Variants in TRAPPC9 observed in about 807,000 individuals in gnomAD.
TRAPPC9 encodes IKK2 binding protein.
A neutral mutation model predicts 124.0 loss-of-function variants in TRAPPC9; 83 were observed. The ratio of observed to expected loss-of-function variants is 0.67; its 90% CI spans 0.56 to 0.80. The LOEUF (loss-of-function observed/expected upper bound fraction) is 0.80. Among genes scored for constraint, TRAPPC9 ranks in the 30% least tolerant of loss-of-function variants. The pLI, the probability that TRAPPC9 is intolerant of heterozygous loss-of-function variation, is 0.00. For synonymous variants in TRAPPC9, 638 were observed against 617.5 expected, an observed-to-expected ratio of 1.03 and a Z score of -0.49; for missense variants, 1,302 against 1,508.3, an observed-to-expected ratio of 0.86 and a Z score of 2.27.
At chr8:140,134,443 T>C (rs2061263711) in intron 17 of TRAPPC9, among the ~76,000 whole-genome samples, 1 of 152,128 alleles carries the variant, frequency 6.6e-6, no homozygotes, top group South Asian at 2.1e-4. Context: ...TTTTTGTGTT[T>C]TTAGTAGAGA....
intron 16 of TRAPPC9, among the ~76,000 whole-genome samples, chr8:140,249,987 T>C (rs1370780552): frequency 6.6e-6 from 1 of 152,204 alleles, no homozygotes; most frequent in African/African-American, 2.4e-5. Context: ...TTCATTATCA[T>C]ACTCGATATA....
chr8:139,733,413 C>T (rs560019821), intron 21 of TRAPPC9, among the ~76,000 whole-genome samples: 12 of 152,048 alleles, frequency 7.9e-5, no homozygotes, highest in African/African-American at 2.4e-4. Context: ...AGTTTGTGGT[C>T]GTTCGCTGTG....
intron 9 of TRAPPC9, among the ~76,000 whole-genome samples, chr8:140,321,309 C>A (rs1316013224): frequency 6.6e-6 from 1 of 152,194 alleles, no homozygotes; most frequent in Non-Finnish European, 1.5e-5. Context: ...ACAGTGAACC[C>A]GGAGCTCAGC....
At chr8:139,856,057 T>C (rs1827780493) in intron 21 of TRAPPC9, among the ~76,000 whole-genome samples, 1 of 152,040 alleles carries the variant, frequency 6.6e-6, no homozygotes, top group Non-Finnish European at 1.5e-5. Flanking sequence ...AAAATGATGC[T>C]CTCCAGCTTC....
At chr8:139,935,132 G>A (rs2131405820) in intron 19 of TRAPPC9, among the ~76,000 whole-genome samples, 1 of 152,294 alleles carries the variant, frequency 6.6e-6, no homozygotes, top group East Asian at 1.9e-4. Context: ...ACATCACCGT[G>A]CGAGAGAAGG....
intron 17 of TRAPPC9, among the ~76,000 whole-genome samples, chr8:140,156,869 TC>T (rs1438939999): frequency 2.0e-5 from 3 of 152,164 alleles, no homozygotes; most frequent in African/African-American, 7.2e-5. Flanking sequence ...GGGGAGAGCT[TC>T]AAAAAAGCAG....
In TRAPPC9 at chr8:140,232,461, T is replaced by A. The variant is rs182049547; in HGVS notation, c.2432-10878A>T. Among the ~76,000 whole-genome samples, 581 of 152,192 alleles carry A rather than the reference T, an allele frequency of 3.8e-3. 3 individuals carry two copies. Among genetic ancestry groups the A allele is most frequent in the Non-Finnish European group, 6.5e-3 (444 of 68,012 alleles). ...TCTATTACCCTAGCCCGGAGCAGAG[T>A]CACTGGATGAAGTCCCAAAGGATTA... On this transcript the variant is annotated intron_variant, in intron 16 of 22. Transcript: ENST00000438773.
At chr8:139,938,337 T>C (rs375005810) in intron 19 of TRAPPC9, among the ~76,000 whole-genome samples, 2 of 152,104 alleles carry the variant, frequency 1.3e-5, no homozygotes, top group African/African-American at 4.8e-5. Context: ...AGGGCTGGAG[T>C]GCAGTGGCGC....
intron 16 of TRAPPC9, among the ~76,000 whole-genome samples, chr8:140,232,075 G>T (rs2063611944): frequency 6.6e-6 from 1 of 150,976 alleles, no homozygotes; most frequent in African/African-American, 2.4e-5. Context: ...TGCCCAGCCT[G>T]TTTTTTTTAA....
At position 139,991,007 on chromosome 8, in the gene TRAPPC9, C is replaced by T. The variant is rs1294999597; in HGVS notation, c.2700-2171G>A. On this transcript the variant is annotated intron_variant, in intron 18 of 22. Transcript: ENST00000438773. ...GGGGCTGCCTTCCCCAGAGGTTTGG[C>T]GCTTGGAAAACATTCATTAGCTCTG... is the stretch of plus-strand genomic sequence containing the variant. Among the ~76,000 whole-genome samples, 5 of 152,180 alleles carry T rather than the reference C, an allele frequency of 3.3e-5. No individual in the cohort carries two copies. In the East Asian group the frequency reaches 5.8e-4, roughly 18 times the overall value.
At chr8:140,165,792 C>A (rs1043640772) in intron 17 of TRAPPC9, among the ~76,000 whole-genome samples, 1 of 152,056 alleles carries the variant, frequency 6.6e-6, no homozygotes, top group East Asian at 1.9e-4. Flanking sequence ...GCAACCTGCC[C>A]GGAGCCCAGG....
intron 2 of TRAPPC9, among the ~76,000 whole-genome samples, chr8:140,440,558 C>T (rs2070977405): frequency 6.6e-6 from 1 of 151,984 alleles, no homozygotes; most frequent in Non-Finnish European, 1.5e-5. Context: ...ATCCCAACAG[C>T]AGTCACCTCA....
chr8:139,740,447 G>A (rs1351773515), intron 21 of TRAPPC9, among the ~76,000 whole-genome samples: 4 of 152,242 alleles, frequency 2.6e-5, no homozygotes, highest in African/African-American at 9.6e-5. Context: ...GGCTGAGAAC[G>A]AGGCAATGTG....
chr8:139,954,333 T>TC (rs35493917), intron 19 of TRAPPC9, among the ~76,000 whole-genome samples: 1 of 152,290 alleles, frequency 6.6e-6, no homozygotes, highest in Non-Finnish European at 1.5e-5. Flanking sequence ...AGTGACTGCG[T>TC]CCCCCAGTAA....
intron 21 of TRAPPC9, among the ~76,000 whole-genome samples, chr8:139,882,297 G>A (rs990253102): frequency 2.0e-5 from 3 of 152,126 alleles, no homozygotes; most frequent in African/African-American, 7.2e-5. Flanking sequence ...ATGCCGCCCT[G>A]AGATGGGGAA....
chr8:140,185,270 A>ACACACGCACGT (rs2062325969), intron 17 of TRAPPC9, among the ~76,000 whole-genome samples: 1 of 152,024 alleles, frequency 6.6e-6, no homozygotes, highest in Admixed American at 6.5e-5. Flanking sequence ...TGAGTCCAGC[A>ACACACGCACGT]GGACACACGC....
chr8:140,350,810 G>C (rs1477316326), intron 9 of TRAPPC9, among the ~76,000 whole-genome samples: 1 of 152,196 alleles, frequency 6.6e-6, no homozygotes, highest in Admixed American at 6.5e-5. Context: ...CAAGGTGGGA[G>C]AGAGGGCAGG....
At chr8:139,961,774 C>G (rs1835384286) in intron 19 of TRAPPC9, among the ~76,000 whole-genome samples, 1 of 123,788 alleles carries the variant, frequency 8.1e-6, no homozygotes, top group African/African-American at 2.6e-5. Context: ...TCTTCTGGAC[C>G]CACCCATGGC....
chr8:140,451,025 C>T lies in TRAPPC9; in HGVS notation c.349G>A (p.Val117Ile). The change falls in exon 2 of 23, where the codon GTC (valine) becomes ATC (isoleucine). Residue 117 changes from valine (V) to isoleucine (I), a missense_variant. Transcript: ENST00000438773. ...GSTLYDSRLFVFGLQGEIVEQ... is the reference protein window; with the variant it reads ...GSTLYDSRLFIFGLQGEIVEQ... ...ACGATCTCCCCCTGCAGCCCGAAGA[C>T]AAAGAGCCGGGAGTCATACAGTGTG... 1 of 1,614,132 alleles carries T rather than the reference C, an allele frequency of 6.2e-7. No homozygotes were observed.
Sources: allele counts gnomAD v4.1 joint callset (sites outside exome capture counted in the v4.1 genomes callset), GRCh38; gene constraint gnomAD v4.1.1; transcripts MANE v1.5; gene names NCBI Gene and HGNC (gene_info 2026-07-23, HGNC 2026-07-21).